The following ICA1 variants were observed in gnomAD, a reference collection of about 807,000 sequenced individuals.
ICA1 encodes 69 kDa islet cell autoantigen.
Under a neutral mutation model 71.0 loss-of-function variants are expected in ICA1, and 40 were observed. The ratio of observed to expected loss-of-function variants is 0.56; its 90% CI spans 0.44 to 0.73. The LOEUF is 0.73. Ranked by LOEUF, ICA1 falls within the 30% of genes least tolerant of loss-of-function variation. The probability of loss-of-function intolerance (pLI) is 0.00; values close to 1 mark genes in which losing one functional copy is unlikely to be tolerated. For synonymous variants in ICA1, 207 were observed against 209.5 expected, an observed-to-expected ratio of 0.99 and a Z score of 0.10; for missense variants, 578 against 576.5, an observed-to-expected ratio of 1.00 and a Z score of -0.03.
intron 6 of ICA1, among the ~76,000 whole-genome samples, chr7:8,188,076 C>T (rs554746501): frequency 1.3e-5 from 2 of 152,272 alleles, no homozygotes; most frequent in South Asian, 4.1e-4. Flanking sequence ...GTTTCTTACG[C>T]TAAAGGCATC....
chr7:8,174,291 T>A (rs551533961), intron 6 of ICA1, among the ~76,000 whole-genome samples: 1 of 152,272 alleles, frequency 6.6e-6, no homozygotes, highest in Non-Finnish European at 1.5e-5. Context: ...TCTGACTTAA[T>A]GGGTGATTGA....
chr7:8,232,535 G>A (rs1410488869), intron 3 of ICA1, 55 bp downstream of exon 3: 2 of 1,496,802 alleles, frequency 1.3e-6, no homozygotes, highest in Non-Finnish European at 1.8e-6. Flanking sequence ...TATACTCTAG[G>A]ACCTTGATCC....
At chr7:8,155,280 G>C (rs1801095103) in intron 8 of ICA1, among the ~76,000 whole-genome samples, 1 of 152,184 alleles carries the variant, frequency 6.6e-6, no homozygotes, top group Admixed American at 6.5e-5. Context: ...AAAGCTAACA[G>C]ATAGTCATCT....
intron 12 of ICA1, among the ~76,000 whole-genome samples, chr7:8,136,026 C>A (rs1793282780): frequency 6.6e-6 from 1 of 152,154 alleles, no homozygotes; most frequent in African/African-American, 2.4e-5. Context: ...GCCACTTTCA[C>A]GTGTCTCAAA....
chr7:8,237,853 C>CACACACACACA, intron 1 of ICA1, among the ~76,000 whole-genome samples: 7 of 150,912 alleles, frequency 4.6e-5, no homozygotes, highest in South Asian at 2.1e-4. Context: ...CACACACACA[C>CACACACACACA]CATTTTCTTT....
At chr7:8,151,326 C>G (rs1798732643) in intron 8 of ICA1, among the ~76,000 whole-genome samples, 2 of 152,250 alleles carry the variant, frequency 1.3e-5, no homozygotes, top group South Asian at 2.1e-4. Flanking sequence ...CAGTCGCCAT[C>G]AGGCGTGGAT....
rs975586697 is a variant in ICA1 at position 8,123,820 on chromosome 7, G to C, written c.1330+4053C>G. ...TTGCTCTCAGAGACTGTACTGAGAG[G>C]CCAGAGAAGGGAATGGTGAAAGGCA... is the stretch of plus-strand genomic sequence containing the variant. On this transcript the variant is annotated intron_variant, in intron 13 of 13. Coordinates refer to ENST00000402384, the MANE Select transcript of ICA1 (RefSeq NM_001136020.3). This position sits in a 1 kb window ranked among gnomAD's most constrained non-coding sequence, Gnocchi z 4.1. Among the ~76,000 whole-genome samples the C allele has an allele frequency of 3.3e-5, 5 of 152,204 alleles. No individual in the cohort carries two copies. The highest frequency in any genetic ancestry group is 1.2e-4 in the African/African-American group (5 of 41,446).
intron 1 of ICA1, among the ~76,000 whole-genome samples, chr7:8,252,267 C>G (rs1293326615): frequency 6.6e-6 from 1 of 152,180 alleles, no homozygotes; most frequent in Non-Finnish European, 1.5e-5. Context: ...AAGGAACACC[C>G]TAATCAGATA....
rs997116921 is a variant in ICA1, at chr7:8,234,552, T to C, written c.17+1358A>G. On this transcript the variant is annotated intron_variant, in intron 2 of 13. Transcript: ENST00000402384. This position sits in a 1 kb window ranked among gnomAD's most constrained non-coding sequence, Gnocchi z 4.5. ...GTATCTCAAAACCTACTTTCCTTCA[T>C]TTACAATTTCATTAAGTTTACAATT... Among the ~76,000 whole-genome samples, 1 of 152,216 alleles carries C rather than the reference T, an allele frequency of 6.6e-6. No individual in the cohort carries two copies. Among genetic ancestry groups the C allele is most frequent in the African/African-American group, 2.4e-5 (1 of 41,464 alleles).
At chr7:8,213,578 G>A (rs558144706) in intron 6 of ICA1, among the ~76,000 whole-genome samples, 42 of 152,268 alleles carry the variant, frequency 2.8e-4, no homozygotes, top group African/African-American at 7.0e-4. Context: ...CAACTCTCAT[G>A]GGACCTGCCC....
intron 9 of ICA1, 150 bp downstream of exon 9, chr7:8,143,725 G>T: frequency 6.7e-6 from 4 of 593,358 alleles, no homozygotes; most frequent in African/African-American, 1.9e-5. Context: ...TGCGTTAAAG[G>T]GGTTTGGCTG....
chr7:8,240,495 G>A (rs141673767), intron 1 of ICA1, among the ~76,000 whole-genome samples: 31 of 152,162 alleles, frequency 2.0e-4, no homozygotes, highest in African/African-American at 5.8e-4. Context: ...AAACCAGAGC[G>A]CATCTTCTCC....
chr7:8,220,784 T>A (rs1182222115), intron 5 of ICA1, among the ~76,000 whole-genome samples: 1 of 152,156 alleles, frequency 6.6e-6, no homozygotes, highest in African/African-American at 2.4e-5. Flanking sequence ...AGGGCCTACA[T>A]TCTGCATTTC....
rs190289540 is a variant in ICA1 at position 8,232,780 on chromosome 7, T to C, written c.18-25A>G. On this transcript the variant is annotated intron_variant, in intron 2 of 13. Transcript: ENST00000402384. ...GCTAAAAACATTTAAAGAACTATTT[T>C]ATTCACACCTTTCATAAAGATTAAG... The C allele has an allele frequency of 2.8e-5, 43 of 1,528,210 alleles. No individual in the cohort carries two copies. The East Asian group carries it at 9.8e-4, about 35-fold the overall frequency. The allele number at this position is 1,528,210 out of a possible 1,614,324, so 94.7% of individuals were successfully genotyped here.
chr7:8,252,708 AACT>A (rs1808603531), intron 1 of ICA1, among the ~76,000 whole-genome samples: 1 of 151,014 alleles, frequency 6.6e-6, no homozygotes, highest in South Asian at 2.1e-4. Flanking sequence ...AATTTTATAT[AACT>A]ACATTTATAT....
chr7:8,182,915 T>C (rs1015566836), intron 6 of ICA1, among the ~76,000 whole-genome samples: 2 of 152,216 alleles, frequency 1.3e-5, no homozygotes, highest in Admixed American at 6.5e-5. Context: ...CTGAAGTTGC[T>C]GCCTCCATCA....
At chr7:8,198,440 T>C (rs751888200) in intron 6 of ICA1, among the ~76,000 whole-genome samples, 22 of 152,198 alleles carry the variant, frequency 1.4e-4, no homozygotes, top group Non-Finnish European at 3.1e-4. Flanking sequence ...CAGAGGGCTT[T>C]GTGGGATGTT....
intron 6 of ICA1, among the ~76,000 whole-genome samples, chr7:8,196,976 A>C (rs1191495637): frequency 6.6e-6 from 1 of 152,134 alleles, no homozygotes; most frequent in Non-Finnish European, 1.5e-5. Flanking sequence ...CACGATTGTG[A>C]GGCCTCCCCA....
intron 1 of ICA1, among the ~76,000 whole-genome samples, chr7:8,239,833 C>A (rs925006331): frequency 6.6e-6 from 1 of 152,344 alleles, no homozygotes. Context: ...GAGGTGTCAG[C>A]CTAGCTGGGG....
Sources: gnomAD v4.1 joint callset for allele counts (sites outside exome capture counted in the v4.1 genomes callset) on GRCh38, gnomAD v4.1.1 for gene constraint, Gnocchi (gnomAD v3.1) non-coding constraint, MANE v1.5 for transcripts, NCBI Gene and HGNC (gene_info 2026-07-23, HGNC 2026-07-21) for gene names.